Variants in KANSL1 observed in about 807,000 individuals in gnomAD.
The protein encoded by KANSL1 is KAT8 regulatory NSL complex subunit 1.
Under a neutral mutation model 103.6 loss-of-function variants are expected in KANSL1, and 22 were observed. The ratio of observed to expected loss-of-function variants is 0.21; its 90% CI spans 0.15 to 0.30. The LOEUF is 0.30. KANSL1 is among the 10% of genes least tolerant of loss of function. KANSL1 has a pLI of 1.00. For missense variants in KANSL1, 1,337 were observed against 1,399.8 expected, an observed-to-expected ratio of 0.96 and a Z score of 0.72; for synonymous variants, 600 against 527.6, an observed-to-expected ratio of 1.14 and a Z score of -1.88.
chr17:46,043,473 G>C (rs1168169470), intron 7 of KANSL1: 1 of 152,202 alleles, frequency 6.6e-6, no homozygotes, highest in African/African-American at 2.4e-5. Flanking sequence ...ATGAGGCAGT[G>C]GGGCTAGATC....
At chr17:46,100,192 G>T (rs1307242044) in intron 2 of KANSL1, among the ~76,000 whole-genome samples, 1 of 152,146 alleles carries the variant, frequency 6.6e-6, no homozygotes, top group Non-Finnish European at 1.5e-5. Flanking sequence ...CCTGTGAATG[G>T]TTTTTTGTTG....
chr17:46,183,497 G>C (rs563217556), intron 1 of KANSL1, among the ~76,000 whole-genome samples: 4 of 151,968 alleles, frequency 2.6e-5, no homozygotes, highest in South Asian at 2.1e-4. Context: ...CTGTTATCAC[G>C]CCACTGCACT....
chr17:46,052,333 G>C (rs893230965), intron 6 of KANSL1, among the ~76,000 whole-genome samples: 1 of 152,198 alleles, frequency 6.6e-6, no homozygotes, highest in African/African-American at 2.4e-5. Flanking sequence ...TTTATGGCTA[G>C]AGTGTATCAC....
intron 1 of KANSL1, among the ~76,000 whole-genome samples, chr17:46,220,764 G>A (rs1210993003): frequency 1.3e-5 from 2 of 152,164 alleles, no homozygotes; most frequent in African/African-American, 4.8e-5. Context: ...TCAGCTCACT[G>A]CAAGCTCCGT....
intron 7 of KANSL1, chr17:46,044,513 G>C (rs899189449): frequency 2.0e-5 from 3 of 152,208 alleles, no homozygotes; most frequent in Non-Finnish European, 4.4e-5. Flanking sequence ...AAATACCACA[G>C]ATCTTCATGG....
chr17:46,046,011 G>T (rs2077492719), intron 7 of KANSL1: 2 of 152,138 alleles, frequency 1.3e-5, no homozygotes, highest in Non-Finnish European at 2.9e-5. Context: ...ACATTCCTAA[G>T]TCTTCCTAGT....
intron 2 of KANSL1, among the ~76,000 whole-genome samples, chr17:46,149,756 C>G (rs558962975): frequency 4.6e-5 from 7 of 152,192 alleles, no homozygotes; most frequent in Admixed American, 4.6e-4. Context: ...GCCTGTAATG[C>G]CAGCACTTTG....
At position 46,039,946 on chromosome 17, in the gene KANSL1, C is replaced by T. The variant is rs1438630371; in HGVS notation, c.2021-62G>A. On this transcript the variant is annotated intron_variant, in intron 7 of 14. Coordinates refer to ENST00000432791, the MANE Select transcript of KANSL1 (RefSeq NM_015443.4). ...CACCTGGCCTCTCTAGTGTTCAAGACCTACACTCCATCCTCCTTTAATTTG... is the reference window on the plus strand; with the variant it reads ...CACCTGGCCTCTCTAGTGTTCAAGATCTACACTCCATCCTCCTTTAATTTG... The T allele has an allele frequency of 8.3e-6, 12 of 1,451,560 alleles. 1 individual carries two copies. In the Middle Eastern group the frequency reaches 5.3e-4, roughly 64 times the overall value. 89.9% of individuals were successfully genotyped at this position (1,451,560 alleles called of 1,614,324 possible).
rs562481076 is a variant in KANSL1, at chr17:46,183,755, A to G, written c.-90+9068T>C. ...CACTTGAGGTCAGGAGTTTGAGACC[A>G]GCCTGGCCAACACAGCGAAACCCCG... On this transcript the variant is annotated intron_variant, in intron 1 of 14. Coordinates refer to ENST00000432791, the MANE Select transcript of KANSL1 (RefSeq NM_015443.4). Among the ~76,000 whole-genome samples, 212 of 152,280 alleles carry G rather than the reference A, an allele frequency of 1.4e-3. 1 individual carries two copies. Among genetic ancestry groups the G allele is most frequent in the Middle Eastern group, 3.4e-3 (1 of 294 alleles).
chr17:46,203,313 C>T (rs1289545695), intron 1 of KANSL1, among the ~76,000 whole-genome samples: 9 of 152,186 alleles, frequency 5.9e-5, no homozygotes, highest in Non-Finnish European at 1.3e-4. Context: ...GAATACCTAC[C>T]GTGGCAATAC....
intron 2 of KANSL1, among the ~76,000 whole-genome samples, chr17:46,122,573 G>C (rs1377982458): frequency 6.6e-6 from 1 of 152,106 alleles, no homozygotes; most frequent in Admixed American, 6.6e-5. Context: ...ACCTCATCAA[G>C]CAAGTAAAGC....
intron 2 of KANSL1, among the ~76,000 whole-genome samples, chr17:46,166,681 A>G (rs1163732945): frequency 6.6e-6 from 1 of 152,206 alleles, no homozygotes; most frequent in Non-Finnish European, 1.5e-5. Context: ...GGTTAGCATA[A>G]ATTCAACCAG....
At chr17:46,144,972 G>C (rs1175060943) in intron 2 of KANSL1, among the ~76,000 whole-genome samples, 1 of 152,198 alleles carries the variant, frequency 6.6e-6, no homozygotes, top group African/African-American at 2.4e-5. Flanking sequence ...ACCAGGAGTT[G>C]GATATTCTAA....
intron 2 of KANSL1, among the ~76,000 whole-genome samples, chr17:46,150,065 CAAAAAA>C (rs61494872): frequency 9.3e-6 from 1 of 107,718 alleles, no homozygotes; most frequent in African/African-American, 3.8e-5. Context: ...CTTTCCTTAC[CAAAAAA>C]AAAAAAAAAA....
intron 2 of KANSL1, among the ~76,000 whole-genome samples, chr17:46,104,369 T>A (rs1350966159): frequency 6.6e-6 from 1 of 152,170 alleles, no homozygotes; most frequent in Non-Finnish European, 1.5e-5. Flanking sequence ...TCCAGGAAAG[T>A]TTTTCCTTGT....
Position 46,032,905 on chromosome 17 carries a change from G to A in KANSL1, c.2837+175C>T, listed in dbSNP as rs7350980. The A allele has an allele frequency of 0.2, 116,434 of 594,028 alleles. 13,623 individuals carry two copies. Among genetic ancestry groups the A allele is most frequent in the African/African-American group, 0.32 (17,475 of 53,800 alleles). 36.8% of individuals were successfully genotyped at this position (594,028 alleles called of 1,614,324 possible). A position where few individuals can be genotyped will look rare whatever the true frequency, so the allele number is the denominator to read the frequency against. On this transcript the variant is annotated intron_variant, in intron 13 of 14. Coordinates refer to ENST00000432791, the MANE Select transcript of KANSL1 (RefSeq NM_015443.4). ...CTCCTTATATCTCCACTAGTTCCAT[G>A]TATCTCCACTAGTTCCAACAAACAC...
intron 1 of KANSL1, among the ~76,000 whole-genome samples, chr17:46,184,968 T>C (rs1470805602): frequency 1.3e-5 from 2 of 151,818 alleles, no homozygotes; most frequent in Non-Finnish European, 2.9e-5. Context: ...GCCTCCTGAG[T>C]AGCTGGGATT....
chr17:46,089,238 G>A (rs2013317), intron 3 of KANSL1, among the ~76,000 whole-genome samples: 4,469 of 152,208 alleles, frequency 0.029, 184 homozygotes, highest in African/African-American at 0.09. Flanking sequence ...TGCAGAAGTA[G>A]TACAGAGGAG....
At chr17:46,144,314 GA>G (rs1236500142) in intron 2 of KANSL1, among the ~76,000 whole-genome samples, 1 of 152,160 alleles carries the variant, frequency 6.6e-6, no homozygotes, top group East Asian at 1.9e-4. Flanking sequence ...ATTTAAAATA[GA>G]AAAAGAAATT....
Sources: allele counts gnomAD v4.1 joint callset (sites outside exome capture counted in the v4.1 genomes callset), GRCh38; gene constraint gnomAD v4.1.1; transcripts MANE v1.5; gene names NCBI Gene and HGNC (gene_info 2026-07-23, HGNC 2026-07-21).